The following MLANA variants were observed in gnomAD, a reference collection of about 807,000 sequenced individuals.
MLANA encodes melanoma antigen recognized by T-cells 1.
In MLANA, 21 loss-of-function variants were observed where a neutral mutation model predicts 15.7. The observed-to-expected ratio is 1.33, with a 90% CI of 0.95 to 1.92. The LOEUF is 1.92. Ranked by LOEUF, MLANA falls within the 40% of genes most tolerant of loss-of-function variation. The probability of loss-of-function intolerance (pLI) is 0.00; values close to 1 mark genes in which losing one functional copy is unlikely to be tolerated. For missense variants in MLANA, 164 were observed against 143.8 expected (o/e 1.14, Z -0.72); for synonymous variants, 56 against 51.5 (o/e 1.09, Z -0.37).
At chr9:5,902,577 C>A (rs748925013) in intron 3 of MLANA, among the ~76,000 whole-genome samples, 5 of 152,040 alleles carry the variant, frequency 3.3e-5, no homozygotes, top group Non-Finnish European at 5.9e-5. Context: ...CACTCCAATC[C>A]TCCTGGCTCA....
intron 3 of MLANA, among the ~76,000 whole-genome samples, chr9:5,901,779 C>A (rs1178592683): frequency 1.3e-5 from 2 of 151,674 alleles, no homozygotes; most frequent in African/African-American, 4.8e-5. Flanking sequence ...GCCTCAGCCT[C>A]CCAAAGTGCT....
intron 3 of MLANA, among the ~76,000 whole-genome samples, chr9:5,902,055 A>C (rs1361985363): frequency 6.6e-6 from 1 of 152,160 alleles, no homozygotes; most frequent in Non-Finnish European, 1.5e-5. Context: ...CTTTGCTTCT[A>C]TCTTCTGAAA....
intron 1 of MLANA, 112 bp from the exon 2 acceptor site, chr9:5,892,338 T>A: frequency 1.6e-6 from 1 of 611,892 alleles, no homozygotes; most frequent in Admixed American, 3.6e-5. Context: ...AACCAAAGGG[T>A]CCTGGCTATG....
At position 5,908,763 on chromosome 9, in the gene MLANA, G is replaced by C; in HGVS notation, c.*55G>C. ...AATTATTTCTCTCACACTTTTGCTT[G>C]AATTTAATACAGACATCTAATGTTC... On this transcript the variant is annotated 3_prime_UTR_variant, in exon 5 of 5. Coordinates refer to ENST00000381477, the MANE Select transcript of MLANA (RefSeq NM_005511.2). The C allele has an allele frequency of 1.3e-6, 2 of 1,500,592 alleles. No homozygotes were observed. The highest frequency in any genetic ancestry group is 9.3e-7 in the Non-Finnish European group (1 of 1,077,316). The allele number at this position is 1,500,592 out of a possible 1,614,324, so 93.0% of individuals were successfully genotyped here.
intron 2 of MLANA, among the ~76,000 whole-genome samples, chr9:5,897,192 T>G (rs1832084733): frequency 6.6e-6 from 1 of 152,138 alleles, no homozygotes; most frequent in South Asian, 2.1e-4. Context: ...GTGGGCTGAG[T>G]TGGAGAAAAT....
At chr9:5,904,771 C>A (rs922543697) in intron 3 of MLANA, among the ~76,000 whole-genome samples, 11 of 147,048 alleles carry the variant, frequency 7.5e-5, no homozygotes, top group Admixed American at 1.4e-4. Flanking sequence ...AGTCCAGTTA[C>A]ACTTCTTTTT....
chr9:5,893,163 CA>C (rs1831763772), intron 2 of MLANA, among the ~76,000 whole-genome samples: 1 of 152,190 alleles, frequency 6.6e-6, no homozygotes, highest in African/African-American at 2.4e-5. Context: ...AAAAAACTCA[CA>C]ACTTAGTGGG....
chr9:5,902,479 T>C (rs996713295), intron 3 of MLANA, among the ~76,000 whole-genome samples: 3 of 151,814 alleles, frequency 2.0e-5, no homozygotes, highest in Non-Finnish European at 4.4e-5. Context: ...CTTTTTTTTT[T>C]CTAGAGACAG....
In MLANA at chr9:5,903,890, C is replaced by T. The variant is rs533195019; in HGVS notation, c.175-2995C>T. ...TTTTTTTTTTTGAGACAGAGTCTCGCTGTGTCACCTAGACTGGAGTGCAGT... is the reference window on the plus strand; with the variant it reads ...TTTTTTTTTTTGAGACAGAGTCTCGTTGTGTCACCTAGACTGGAGTGCAGT... On this transcript the variant is annotated intron_variant, in intron 3 of 4. Transcript: ENST00000381477. 7.3e-5 allele frequency among the ~76,000 whole-genome samples: 11 copies of T among 151,704 alleles called. No individual in the cohort carries two copies. In the South Asian group the frequency reaches 1.9e-3, roughly 26 times the overall value.
At chr9:5,892,404 G>C in intron 1 of MLANA, 46 bp from the exon 2 acceptor site, 1 of 1,373,174 alleles carries the variant, frequency 7.3e-7, no homozygotes. Flanking sequence ...TGATGAATAG[G>C]GTGGCTTTGG....
At position 5,894,798 on chromosome 9, in the gene MLANA, G is replaced by A. The variant is rs1050131186; in HGVS notation, c.77+2247G>A. Among the ~76,000 whole-genome samples the A allele has an allele frequency of 8.5e-5, 13 of 152,234 alleles. No individual in the cohort carries two copies. Among genetic ancestry groups the A allele is most frequent in the Admixed American group, 3.3e-4 (5 of 15,286 alleles). On this transcript the variant is annotated intron_variant, in intron 2 of 4. Transcript: ENST00000381477. This position sits in a 1 kb window ranked among gnomAD's most constrained non-coding sequence, Gnocchi z 4.0. ...CTCTAGAGTACTCTAATGGGAGCCA[G>A]TGGGCAAAGGAGAAGTGGCATTTGC... is the stretch of plus-strand genomic sequence containing the variant.
Position 5,897,664 on chromosome 9 carries a change from T to A in MLANA, c.174+11T>A, listed in dbSNP as rs770687618. The A allele has an allele frequency of 1.9e-6, 3 of 1,606,930 alleles. No homozygotes were observed. Among genetic ancestry groups the A allele is most frequent in the Non-Finnish European group, 2.6e-6 (3 of 1,173,516 alleles). ...TACAGAGCCTTGATGGTTGGTAAAGTTCCCACTGCTGAAATCCCTCCAAGT... is the reference window on the plus strand; with the variant it reads ...TACAGAGCCTTGATGGTTGGTAAAGATCCCACTGCTGAAATCCCTCCAAGT... On this transcript the variant is annotated intron_variant, in intron 3 of 4. Coordinates refer to ENST00000381477, the MANE Select transcript of MLANA (RefSeq NM_005511.2).
intron 4 of MLANA, among the ~76,000 whole-genome samples, chr9:5,907,567 GAAAT>G (rs757598506): frequency 1.3e-5 from 2 of 152,268 alleles, no homozygotes; most frequent in Non-Finnish European, 1.5e-5. Flanking sequence ...GATTCACCTT[GAAAT>G]AAATATTCTG....
chr9:5,907,386 T>A (rs968547667), intron 4 of MLANA, among the ~76,000 whole-genome samples: 6 of 152,208 alleles, frequency 3.9e-5, no homozygotes, highest in African/African-American at 1.4e-4. Context: ...AAGTACCTAT[T>A]ATTTATTGTA....
chr9:5,907,968 A>T (rs1251974390), intron 4 of MLANA, among the ~76,000 whole-genome samples: 1 of 152,178 alleles, frequency 6.6e-6, no homozygotes, highest in African/African-American at 2.4e-5. Context: ...ATAAATAAAT[A>T]AAATAAAATT....
intron 2 of MLANA, 47 bp downstream of exon 2, chr9:5,892,598 T>G: frequency 6.5e-7 from 1 of 1,534,990 alleles, no homozygotes; most frequent in Non-Finnish European, 8.9e-7. Context: ...TGCCGTTTGC[T>G]GACACAGCCT....
At chr9:5,905,127 T>C (rs1832716128) in intron 3 of MLANA, among the ~76,000 whole-genome samples, 1 of 152,196 alleles carries the variant, frequency 6.6e-6, no homozygotes, top group Non-Finnish European at 1.5e-5. Context: ...GCAACATACA[T>C]TTACAACTAA....
rs912373572 is a variant in MLANA, at chr9:5,909,266, C to CT, written c.*567dup. 27 of 151,790 alleles carry CT rather than the reference C, an allele frequency of 1.8e-4. 1 individual carries two copies. The highest frequency in any genetic ancestry group is 4.4e-4 in the African/African-American group (18 of 41,308). 9.4% of individuals were successfully genotyped at this position (151,790 alleles called of 1,614,324 possible). A position where few individuals can be genotyped will look rare whatever the true frequency, so the allele number is the denominator to read the frequency against. The stretch of plus-strand genomic sequence containing the variant: ...AATATATTGTAAAGATCCTATAGCT[C>CT]TTTTTTTTTGAGATGGAGTTTCGCT... On this transcript the variant is annotated 3_prime_UTR_variant, in exon 5 of 5. Coordinates refer to ENST00000381477, the MANE Select transcript of MLANA (RefSeq NM_005511.2).
At chr9:5,891,190 C>T (rs1183268596) in intron 1 of MLANA, 1 of 152,180 alleles carries the variant, frequency 6.6e-6, no homozygotes, top group Non-Finnish European at 1.5e-5. Context: ...GGAGAAGCAG[C>T]CTCCCTGAGG....
Sources: gnomAD v4.1 joint callset for allele counts (sites outside exome capture counted in the v4.1 genomes callset) on GRCh38, gnomAD v4.1.1 for gene constraint, Gnocchi (gnomAD v3.1) non-coding constraint, MANE v1.5 for transcripts, NCBI Gene and HGNC (gene_info 2026-07-23, HGNC 2026-07-21) for gene names.